The following TGFA variants were observed in gnomAD, a reference collection of about 807,000 sequenced individuals.
TGFA encodes the protein protransforming growth factor alpha.
A neutral mutation model predicts 21.7 loss-of-function variants in TGFA; 12 were observed. The ratio of observed to expected loss-of-function variants is 0.55; its 90% CI spans 0.35 to 0.90. The LOEUF (loss-of-function observed/expected upper bound fraction) is 0.90, where lower values mean the gene tolerates loss of function less well. TGFA is among the 40% of genes least tolerant of loss of function. TGFA has a pLI of 0.01. For synonymous variants in TGFA, 79 were observed against 88.1 expected (o/e 0.90, Z 0.58); for missense variants, 178 against 210.8 (o/e 0.84, Z 0.96).
chr2:70,509,212 T>G (rs1553500643), intron 2 of TGFA, among the ~76,000 whole-genome samples: 1 of 152,202 alleles, frequency 6.6e-6, no homozygotes, highest in African/African-American at 2.4e-5. Flanking sequence ...TTAGAATGAC[T>G]TCAGCTCCAT....
intron 2 of TGFA, among the ~76,000 whole-genome samples, chr2:70,490,934 C>T (rs1416140560): frequency 3.9e-5 from 6 of 152,236 alleles, no homozygotes; most frequent in Admixed American, 2.0e-4. Flanking sequence ...ATAAAATTGA[C>T]TCAGAAAAAT....
chr2:70,507,843 C>T (rs11902704), intron 2 of TGFA, among the ~76,000 whole-genome samples: 3,195 of 152,280 alleles, frequency 0.021, 105 homozygotes, highest in African/African-American at 0.073. Context: ...CCCATACTCT[C>T]CATTTCTTTG....
At chr2:70,504,433 A>AATATATATATATATATATATAT (rs200901290) in intron 2 of TGFA, among the ~76,000 whole-genome samples, 51 of 62,404 alleles carry the variant, frequency 8.2e-4, no homozygotes, top group South Asian at 1.1e-3. Context: ...AAACAAAACA[A>AATATATATATATATATATATAT]ATATATATAT....
chr2:70,507,845 A>G (rs981487617), intron 2 of TGFA, among the ~76,000 whole-genome samples: 9 of 152,284 alleles, frequency 5.9e-5, no homozygotes, highest in African/African-American at 1.7e-4. Context: ...CATACTCTCC[A>G]TTTCTTTGCT....
At chr2:70,481,315 C>T (rs141797524) in intron 2 of TGFA, among the ~76,000 whole-genome samples, 68 of 152,276 alleles carry the variant, frequency 4.5e-4, no homozygotes, top group African/African-American at 1.6e-3. Flanking sequence ...AGTACTACTG[C>T]CCCAAATAGA....
intron 1 of TGFA, among the ~76,000 whole-genome samples, chr2:70,534,608 T>A (rs965858802): frequency 6.6e-6 from 1 of 152,188 alleles, no homozygotes; most frequent in Non-Finnish European, 1.5e-5. Context: ...TTGGTCATAA[T>A]AAAATATGTC....
chr2:70,471,325 C>T (rs1352720175), intron 2 of TGFA, among the ~76,000 whole-genome samples: 1 of 152,166 alleles, frequency 6.6e-6, no homozygotes, highest in Non-Finnish European at 1.5e-5. Context: ...CCTAAGTGGA[C>T]AGGGAGGAGT....
At chr2:70,525,170 A>G (rs1315623418) in intron 1 of TGFA, among the ~76,000 whole-genome samples, 1 of 152,188 alleles carries the variant, frequency 6.6e-6, no homozygotes, top group Non-Finnish European at 1.5e-5. Context: ...CCTCCATGTG[A>G]ATAGCTTGGT....
chr2:70,539,804 G>C (rs1034786516), intron 1 of TGFA, among the ~76,000 whole-genome samples: 11 of 152,242 alleles, frequency 7.2e-5, no homozygotes, highest in Admixed American at 2.6e-4. Context: ...ATCTAAGTTT[G>C]TTTTAATATA....
chr2:70,544,667 C>T (rs541003263), intron 1 of TGFA, among the ~76,000 whole-genome samples: 1 of 152,152 alleles, frequency 6.6e-6, no homozygotes, highest in Non-Finnish European at 1.5e-5. Flanking sequence ...TGAGTGAACA[C>T]ATTCACAATA....
rs368939233 is a variant in TGFA at position 70,465,751 on chromosome 2, G to C, written c.95-15C>G. The C allele has an allele frequency of 8.1e-6, 13 of 1,613,448 alleles. No individual in the cohort carries two copies. In the African/African-American group the frequency reaches 1.3e-4, roughly 17 times the overall value. On this transcript the variant is annotated splice_polypyrimidine_tract_variant and intron_variant, in intron 2 of 5. Coordinates refer to ENST00000295400, the MANE Select transcript of TGFA (RefSeq NM_003236.4). ...GGGCGGGTCTGCTGGGGAGAGGAAA[G>C]ATGCAGGGCTCAGATCCAGGAACAG... is the stretch of plus-strand genomic sequence containing the variant.
intron 2 of TGFA, among the ~76,000 whole-genome samples, chr2:70,498,840 C>T (rs1369401962): frequency 6.6e-6 from 1 of 152,176 alleles, no homozygotes; most frequent in Non-Finnish European, 1.5e-5. Flanking sequence ...CAGATTCGGT[C>T]TGTGTTAGAG....
chr2:70,456,841 G>T (rs1553490658), intron 3 of TGFA, among the ~76,000 whole-genome samples: 1 of 122,808 alleles, frequency 8.1e-6, no homozygotes, highest in East Asian at 2.3e-4. Context: ...AAAAATCCAG[G>T]TTAGTTTTAA....
intron 2 of TGFA, among the ~76,000 whole-genome samples, chr2:70,512,419 A>T (rs1455425051): frequency 6.6e-6 from 1 of 152,162 alleles, no homozygotes; most frequent in Non-Finnish European, 1.5e-5. Context: ...TCTGGACTTT[A>T]GAAGGTGTGG....
intron 1 of TGFA, chr2:70,553,466 AC>A (rs1217432916): frequency 4.3e-6 from 6 of 1,399,094 alleles, no homozygotes; most frequent in Non-Finnish European, 5.5e-6. Flanking sequence ...GCCCGTTCAC[AC>A]TCCGCTTCCC....
At chr2:70,527,614 T>C (rs1198912213) in intron 1 of TGFA, among the ~76,000 whole-genome samples, 4 of 152,232 alleles carry the variant, frequency 2.6e-5, no homozygotes, top group Non-Finnish European at 4.4e-5. Flanking sequence ...ATATCTAACT[T>C]TAGTTAACTA....
intron 1 of TGFA, among the ~76,000 whole-genome samples, chr2:70,538,225 G>T (rs1673031469): frequency 6.6e-6 from 1 of 152,168 alleles, no homozygotes; most frequent in Non-Finnish European, 1.5e-5. Flanking sequence ...CAATGCACCT[G>T]GGTCGCCCAA....
intron 3 of TGFA, among the ~76,000 whole-genome samples, chr2:70,456,932 T>C (rs7606793): frequency 0.24 from 35,946 of 152,176 alleles, 4,598 homozygotes; most frequent in East Asian, 0.3. Context: ...GTGGTTTGCC[T>C]TTTTATCTTC....
chr2:70,506,597 T>C (rs1215496082), intron 2 of TGFA, among the ~76,000 whole-genome samples: 1 of 152,152 alleles, frequency 6.6e-6, no homozygotes. Flanking sequence ...CCAGTAATGA[T>C]AAAAAGGGTA....
Sources: gnomAD v4.1 joint callset for allele counts (sites outside exome capture counted in the v4.1 genomes callset) on GRCh38, gnomAD v4.1.1 for gene constraint, MANE v1.5 for transcripts, NCBI Gene and HGNC (gene_info 2026-07-23, HGNC 2026-07-21) for gene names.